Variants in RUFY3 observed in about 807,000 individuals in gnomAD.
The protein encoded by RUFY3 is RUN and FYVE domain containing 3, also known as protein RUFY3.
A neutral mutation model predicts 84.0 loss-of-function variants in RUFY3; 34 were observed. The observed-to-expected ratio is 0.40, with a 90% CI of 0.31 to 0.54. The LOEUF (loss-of-function observed/expected upper bound fraction) is 0.54. Among genes scored for constraint, RUFY3 ranks in the 20% least tolerant of loss-of-function variants. The pLI is 0.39. For missense variants in RUFY3, 507 were observed against 736.8 expected (o/e 0.69, Z 3.61); for synonymous variants, 242 against 252.9 (o/e 0.96, Z 0.41).
At chr4:70,726,403 C>A (rs1227011544) in intron 1 of RUFY3, among the ~76,000 whole-genome samples, 1 of 152,102 alleles carries the variant, frequency 6.6e-6, no homozygotes, top group East Asian at 1.9e-4. Context: ...GCTCTTATTG[C>A]CCAGGCTGGA....
intron 1 of RUFY3, among the ~76,000 whole-genome samples, chr4:70,743,313 C>T (rs948363930): frequency 2.0e-5 from 3 of 152,046 alleles, no homozygotes; most frequent in Non-Finnish European, 4.4e-5. Flanking sequence ...CTCAAGTGAT[C>T]CACCTGCCTC....
chr4:70,718,958 G>A (rs1218086334), upstream of RUFY3, among the ~76,000 whole-genome samples: 3 of 152,084 alleles, frequency 2.0e-5, no homozygotes, highest in African/African-American at 4.8e-5. Context: ...CAGGTGACCC[G>A]CCTGCCTCAG....
intron 1 of RUFY3, among the ~76,000 whole-genome samples, chr4:70,735,928 CA>C (rs1373462473): frequency 6.6e-6 from 1 of 151,968 alleles, no homozygotes; most frequent in Non-Finnish European, 1.5e-5. Context: ...GTGGAGGTTG[CA>C]GTGAGATGAG....
In RUFY3 at chr4:70,722,434, T is replaced by C; in HGVS notation, c.-140T>C. On this transcript the variant is annotated 5_prime_UTR_variant, in exon 1 of 18. Transcript: ENST00000381006. ...TTTTCCTTTTTTTTTTTTTTAAACC[T>C]CCCCCACCCTTTTCCTGAAAGCTTT... is the stretch of plus-strand genomic sequence containing the variant. 2.3e-6 allele frequency: 3 copies of C among 1,332,538 alleles called. No individual in the cohort carries two copies. Among genetic ancestry groups the C allele is most frequent in the Non-Finnish European group, 9.6e-7 (1 of 1,037,234 alleles). 82.5% of individuals were successfully genotyped at this position (1,332,538 alleles called of 1,614,324 possible).
At chr4:70,731,507 C>T (rs1246081754) in intron 1 of RUFY3, among the ~76,000 whole-genome samples, 1 of 152,106 alleles carries the variant, frequency 6.6e-6, no homozygotes, top group Non-Finnish European at 1.5e-5. Flanking sequence ...GCAAGTGACA[C>T]CTCTATATGC....
chr4:70,768,705 T>G lies in RUFY3; in HGVS notation c.696+44T>G, dbSNP rs764305064. On this transcript the variant is annotated intron_variant, in intron 5 of 17. Coordinates refer to ENST00000381006, the MANE Select transcript of RUFY3 (RefSeq NM_001037442.4). ...TTCCCATGGGTGTCACTCTGAGTTC[T>G]GCTATCTCAGAAGTGGATTTGATTA... 6 of 1,594,908 alleles carry G rather than the reference T, an allele frequency of 3.8e-6. No homozygotes were observed. In the South Asian group the frequency reaches 6.8e-5, roughly 18 times the overall value.
In RUFY3 at chr4:70,799,672, C is replaced by T. The variant is rs548233291; in HGVS notation, c.1558-469C>T. ...TGGCACCAGTGCACTCCAGCCTGGG[C>T]GACAGAGCGAGACTCTGTCTCCAAA... On this transcript the variant is annotated intron_variant, in intron 14 of 17. Coordinates refer to ENST00000381006, the MANE Select transcript of RUFY3 (RefSeq NM_001037442.4). 1.2e-4 allele frequency: 19 copies of T among 156,520 alleles called. 1 individual carries two copies. The South Asian group carries it at 1.4e-3, about 12-fold the overall frequency. 9.7% of individuals were successfully genotyped at this position (156,520 alleles called of 1,614,324 possible). A position where few individuals can be genotyped will look rare whatever the true frequency, so the allele number is the denominator to read the frequency against.
At chr4:70,774,406 T>C in intron 6 of RUFY3, among the ~76,000 whole-genome samples, 1 of 149,622 alleles carries the variant, frequency 6.7e-6, no homozygotes, top group Non-Finnish European at 1.5e-5. Flanking sequence ...GTCAGGAGTT[T>C]GAGACCAGCC....
At chr4:70,758,751 A>T (rs1724473439) in intron 1 of RUFY3, among the ~76,000 whole-genome samples, 1 of 151,846 alleles carries the variant, frequency 6.6e-6, no homozygotes, top group Non-Finnish European at 1.5e-5. Flanking sequence ...AAAAAAAAAA[A>T]ATTATTGCCA....
chr4:70,734,475 T>C (rs1719955366), intron 1 of RUFY3: 4 of 985,016 alleles, frequency 4.1e-6, no homozygotes, highest in Non-Finnish European at 4.8e-6. Context: ...CTTCTCAAAG[T>C]GAGAAGGTTG....
intron 7 of RUFY3, among the ~76,000 whole-genome samples, chr4:70,776,895 C>T (rs532672934): frequency 5.6e-4 from 86 of 152,294 alleles, no homozygotes; most frequent in African/African-American, 1.9e-3. Context: ...ACTGTCCTTA[C>T]GACAATTCAG....
intron 1 of RUFY3, among the ~76,000 whole-genome samples, chr4:70,723,289 G>T (rs758430696): frequency 6.6e-6 from 1 of 152,092 alleles, no homozygotes; most frequent in Non-Finnish European, 1.5e-5. Flanking sequence ...GGATTATTAG[G>T]TTAGATGAGA....
exon 1 of RUFY3, chr4:70,704,900 G>C: frequency 2.5e-6 from 3 of 1,194,774 alleles, no homozygotes; most frequent in Non-Finnish European, 3.1e-6. Context: ...CCAGGCCCGG[G>C]CGCGAATCGG....
In RUFY3 at chr4:70,753,329, A is replaced by G. The variant is rs556381788; in HGVS notation, c.179-9190A>G. Among the ~76,000 whole-genome samples, 620 of 152,292 alleles carry G rather than the reference A, an allele frequency of 4.1e-3. 3 individuals are homozygous for G. The highest frequency in any genetic ancestry group is 6.5e-3 in the Non-Finnish European group (439 of 68,014). On this transcript the variant is annotated intron_variant, in intron 1 of 17. Transcript: ENST00000381006. ...ATGTCAGTATTGTTAATCTTGTCAA[A>G]GAGCCAACTTTGGATTTTATTGATT...
intron 1 of RUFY3, among the ~76,000 whole-genome samples, chr4:70,748,380 T>C (rs1722574922): frequency 6.6e-6 from 1 of 152,224 alleles, no homozygotes; most frequent in African/African-American, 2.4e-5. Context: ...CCACGACATT[T>C]AGGATCTACC....
At chr4:70,734,864 T>G (rs917368288) in intron 1 of RUFY3, among the ~76,000 whole-genome samples, 1 of 152,228 alleles carries the variant, frequency 6.6e-6, no homozygotes, top group Non-Finnish European at 1.5e-5. Context: ...CAGTATTTTC[T>G]TCTATTGGTG....
At chr4:70,730,572 C>CAAAAAAAAAAAA (rs796173421) in intron 1 of RUFY3, among the ~76,000 whole-genome samples, 56 of 106,516 alleles carry the variant, frequency 5.3e-4, no homozygotes, top group African/African-American at 1.6e-3. Context: ...ACTAAAAATA[C>CAAAAAAAAAAAA]AAAAAAAAAA....
intron 1 of RUFY3, among the ~76,000 whole-genome samples, chr4:70,746,340 T>TA (rs570194881): frequency 0.12 from 16,110 of 135,630 alleles, 1,908 homozygotes; most frequent in African/African-American, 0.31. Flanking sequence ...CAAGACTCCT[T>TA]AAAAAAAAAA....
chr4:70,722,516 TGTGTGTGTGTGA>T lies in RUFY3; in HGVS notation c.-46_-35del, dbSNP rs565549950. The T allele has an allele frequency of 5.3e-4, 761 of 1,433,340 alleles. 6 individuals carry two copies. In the African/African-American group the frequency reaches 9.6e-3, roughly 18 times the overall value. 88.8% of individuals were successfully genotyped at this position (1,433,340 alleles called of 1,614,324 possible). A position where few individuals can be genotyped will look rare whatever the true frequency, so the allele number is the denominator to read the frequency against. On this transcript the variant is annotated 5_prime_UTR_variant, in exon 1 of 18. Transcript: ENST00000381006. ...GAGGAGGTTGTATTTATTTTTTTGG[TGTGTGTGTGTGA>T]GTGTGTGTGTGTCTGTGTGTGTGTT...
Sources: gnomAD v4.1 joint callset for allele counts (sites outside exome capture counted in the v4.1 genomes callset) on GRCh38, gnomAD v4.1.1 for gene constraint, MANE v1.5 for transcripts, NCBI Gene and HGNC (gene_info 2026-07-23, HGNC 2026-07-21) for gene names.